The following RIN2 variants were observed in gnomAD, a reference collection of about 807,000 sequenced individuals.
RIN2 encodes Ras and Rab interactor 2.
In RIN2, 36 loss-of-function variants were observed where a neutral mutation model predicts 78.0. That is an observed-to-expected ratio of 0.46 (90% CI 0.35 to 0.61). The LOEUF is 0.61. RIN2 is among the 20% of genes least tolerant of loss of function. RIN2 has a pLI of 0.00. For missense variants in RIN2, 1,087 were observed against 1,159.7 expected (o/e 0.94, Z 0.91); for synonymous variants, 466 against 466.8 (o/e 1.00, Z 0.02).
intron 12 of RIN2, among the ~76,000 whole-genome samples, chr20:19,998,932 C>T (rs2043055862): frequency 6.6e-6 from 1 of 152,184 alleles, no homozygotes; most frequent in Admixed American, 6.5e-5. Flanking sequence ...GACCCTCAGA[C>T]ACCATAGAGC....
intron 1 of RIN2, among the ~76,000 whole-genome samples, chr20:19,758,954 T>C (rs1323982615): frequency 6.6e-6 from 1 of 152,250 alleles, no homozygotes; most frequent in East Asian, 1.9e-4. Flanking sequence ...GTCGCGGTGA[T>C]TGATGGCTGC....
At chr20:19,957,235 G>A (rs1229347977) in intron 5 of RIN2, among the ~76,000 whole-genome samples, 4 of 152,182 alleles carry the variant, frequency 2.6e-5, no homozygotes, top group Admixed American at 2.6e-4. Context: ...CAAAAGTTCT[G>A]TGTCCACAGA....
At chr20:19,937,961 A>G (rs970791398) in intron 4 of RIN2, among the ~76,000 whole-genome samples, 1 of 152,216 alleles carries the variant, frequency 6.6e-6, no homozygotes, top group African/African-American at 2.4e-5. Flanking sequence ...TGAAGATGTC[A>G]GTTTTTGGCC....
At chr20:19,869,190 G>C (rs180691069) in intron 2 of RIN2, among the ~76,000 whole-genome samples, 3 of 152,172 alleles carry the variant, frequency 2.0e-5, no homozygotes, top group Admixed American at 1.3e-4. Context: ...GCGCTGGAGA[G>C]AGGGATTAGA....
intron 2 of RIN2, among the ~76,000 whole-genome samples, chr20:19,815,923 T>G (rs535252048): frequency 2.0e-5 from 3 of 152,356 alleles, no homozygotes; most frequent in Non-Finnish European, 2.9e-5. Flanking sequence ...TAGCAATCCA[T>G]GGATTCATCT....
At chr20:19,761,928 T>G (rs1463815784) in intron 1 of RIN2, among the ~76,000 whole-genome samples, 1 of 152,190 alleles carries the variant, frequency 6.6e-6, no homozygotes, top group African/African-American at 2.4e-5. Flanking sequence ...GGGTGGCAAC[T>G]TCAGGGTTCT....
chr20:19,873,818 T>A lies in RIN2; in HGVS notation c.-36-15748T>A, dbSNP rs574942521. 6.6e-5 allele frequency among the ~76,000 whole-genome samples: 10 copies of A among 152,356 alleles called. No individual in the cohort carries two copies. In the East Asian group the frequency reaches 1.9e-3, roughly 29 times the overall value. On this transcript the variant is annotated intron_variant, in intron 2 of 12. Transcript: ENST00000255006. ...ACAGAATTGAAAATACAGTTGATCC[T>A]CATTATTTGTGAATTCTGTATTTGC...
intron 4 of RIN2, among the ~76,000 whole-genome samples, chr20:19,939,801 G>T (rs1167567569): frequency 1.3e-5 from 2 of 151,260 alleles, no homozygotes; most frequent in Non-Finnish European, 2.9e-5. Flanking sequence ...TTTCTTCATA[G>T]AACTTGTACA....
chr20:19,923,220 AGCCT>A (rs1298215781), intron 3 of RIN2, among the ~76,000 whole-genome samples: 3 of 151,818 alleles, frequency 2.0e-5, no homozygotes, highest in African/African-American at 7.3e-5. Flanking sequence ...GTTCGAGACC[AGCCT>A]GGCCAGTATG....
At position 20,001,866 on chromosome 20, in the gene RIN2, A is replaced by C. The variant is rs2043150957; in HGVS notation, c.*930A>C. ...TCAAAAGATGTAGAAAAAGAGATAGAAGGAACCACCTATGCTTAAAATACT... is the reference window on the plus strand; with the variant it reads ...TCAAAAGATGTAGAAAAAGAGATAGCAGGAACCACCTATGCTTAAAATACT... On this transcript the variant is annotated 3_prime_UTR_variant, in exon 13 of 13. Transcript: ENST00000255006. The C allele has an allele frequency of 6.6e-6, 1 of 152,628 alleles. No homozygotes were observed. The highest frequency in any genetic ancestry group is 1.5e-5 in the Non-Finnish European group (1 of 68,042). The allele number at this position is 152,628 out of a possible 1,614,324, so 9.5% of individuals were successfully genotyped here. A position where few individuals can be genotyped will look rare whatever the true frequency, so the allele number is the denominator to read the frequency against.
intron 3 of RIN2, among the ~76,000 whole-genome samples, chr20:19,892,750 A>G (rs2038537057): frequency 6.6e-6 from 1 of 152,148 alleles, no homozygotes; most frequent in Non-Finnish European, 1.5e-5. Flanking sequence ...CAATATTCAC[A>G]TGTAGTTCTC....
intron 1 of RIN2, among the ~76,000 whole-genome samples, chr20:19,782,151 G>T (rs2122535301): frequency 1.3e-5 from 2 of 152,264 alleles, no homozygotes; most frequent in Admixed American, 1.3e-4. Context: ...CCAATGGATT[G>T]ACCACACTAG....
At chr20:19,884,262 TAAA>T (rs1379373965) in intron 2 of RIN2, among the ~76,000 whole-genome samples, 1 of 151,630 alleles carries the variant, frequency 6.6e-6, no homozygotes, top group African/African-American at 2.4e-5. Flanking sequence ...CTCTACAAAA[TAAA>T]AATAAAAAGA....
At position 19,883,714 on chromosome 20, in the gene RIN2, A is replaced by T. The variant is rs535983896; in HGVS notation, c.-36-5852A>T. Among the ~76,000 whole-genome samples, 46 of 152,192 alleles carry T rather than the reference A, an allele frequency of 3.0e-4. No homozygotes were observed. The East Asian group carries it at 8.2e-3, about 27-fold the overall frequency. On this transcript the variant is annotated intron_variant, in intron 2 of 12. Transcript: ENST00000255006. ...TCGGGTGGTCACATGGCCAGTAACT[A>T]CATGGGCACCAGCAGGGCTTCTGTG...
chr20:19,885,499 C>A (rs1467029965), intron 2 of RIN2, among the ~76,000 whole-genome samples: 1 of 151,972 alleles, frequency 6.6e-6, no homozygotes, highest in Non-Finnish European at 1.5e-5. Flanking sequence ...AACCCCACAT[C>A]TACCAAAAAA....
chr20:19,958,049 A>G (rs2041612013), intron 5 of RIN2, among the ~76,000 whole-genome samples: 1 of 152,258 alleles, frequency 6.6e-6, no homozygotes, highest in Non-Finnish European at 1.5e-5. Flanking sequence ...GGAATGTCAT[A>G]AGAATTGGGC....
intron 12 of RIN2, 60 bp from the exon 13 acceptor site, chr20:20,000,553 A>C: frequency 7.3e-7 from 1 of 1,366,308 alleles, no homozygotes; most frequent in African/African-American, 1.4e-5. Context: ...CTGGTCCCCC[A>C]TCATGCTCAC....
At chr20:19,887,972 A>G (rs1600702347) in intron 2 of RIN2, among the ~76,000 whole-genome samples, 1 of 151,918 alleles carries the variant, frequency 6.6e-6, no homozygotes, top group South Asian at 2.1e-4. Context: ...AGTTCTGAGC[A>G]TGGCACTGTG....
chr20:19,889,325 G>C, intron 2 of RIN2: 1 of 1,222,016 alleles, frequency 8.2e-7, no homozygotes. Flanking sequence ...GAAGTCCCAA[G>C]GACCTTCTAC....
Sources: gnomAD v4.1 joint callset for allele counts (sites outside exome capture counted in the v4.1 genomes callset) on GRCh38, gnomAD v4.1.1 for gene constraint, MANE v1.5 for transcripts, NCBI Gene and HGNC (gene_info 2026-07-23, HGNC 2026-07-21) for gene names.